The following CADPS variants were observed in gnomAD, a reference collection of about 807,000 sequenced individuals.
The protein encoded by CADPS is calcium dependent secretion activator, also known as calcium-dependent secretion activator 1.
A neutral mutation model predicts 167.3 loss-of-function variants in CADPS; 57 were observed. That is an observed-to-expected ratio of 0.34 (90% CI 0.28 to 0.42). The LOEUF (loss-of-function observed/expected upper bound fraction) is 0.42, where lower values mean the gene tolerates loss of function less well. CADPS is among the 20% of genes least tolerant of loss of function. CADPS has a pLI of 1.00. For synonymous variants in CADPS, 676 were observed against 635.3 expected (o/e 1.06, Z -0.96); for missense variants, 1,414 against 1,738.1 (o/e 0.81, Z 3.32).
chr3:62,817,392 A>G lies in CADPS; in HGVS notation c.442-51408T>C, dbSNP rs912323375. On this transcript the variant is annotated intron_variant, in intron 1 of 29. Transcript: ENST00000383710. ...ATTTTTCAGGTTGTCACACCATTCA[A>G]CACTGTCATATGAGATACAATCTAC... Among the ~76,000 whole-genome samples the G allele has an allele frequency of 2.6e-5, 4 of 152,282 alleles. No individual in the cohort carries two copies. In the South Asian group the frequency reaches 8.3e-4, roughly 32 times the overall value.
intron 1 of CADPS, among the ~76,000 whole-genome samples, chr3:62,811,441 G>A (rs1039400293): frequency 6.6e-6 from 1 of 152,136 alleles, no homozygotes; most frequent in Non-Finnish European, 1.5e-5. Context: ...GCATGCATTG[G>A]GCACTATGGA....
At chr3:62,496,343 A>G (rs2064797650) in intron 18 of CADPS, among the ~76,000 whole-genome samples, 1 of 152,036 alleles carries the variant, frequency 6.6e-6, no homozygotes, top group Non-Finnish European at 1.5e-5. Flanking sequence ...GGAGATCTGA[A>G]TTTTCAAGAG....
rs570644697 is a variant in CADPS, at chr3:62,451,531, TC to T, written c.3637-5735del. ...CAAACAGAAGTCTGGTGGGTAAGAC[TC>T]AAAGATGGAAGAAGAAAGAAGTCTG... On this transcript the variant is annotated intron_variant, in intron 26 of 29. Coordinates refer to ENST00000383710, the MANE Select transcript of CADPS (RefSeq NM_003716.4). 1.5e-3 allele frequency among the ~76,000 whole-genome samples: 230 copies of T among 150,152 alleles called. 1 individual carries two copies. The highest frequency in any genetic ancestry group is 2.8e-3 in the Non-Finnish European group (188 of 67,758).
rs140982720 is a variant in CADPS, at chr3:62,485,684, T to C, written c.3027-3815A>G. ...CCTTATCATTTTCAGCCTGTGTGGGTTCTTTAACAAATATGGCAATTAATC... is the reference window on the plus strand; with the variant it reads ...CCTTATCATTTTCAGCCTGTGTGGGCTCTTTAACAAATATGGCAATTAATC... On this transcript the variant is annotated intron_variant, in intron 21 of 29. Transcript: ENST00000383710. Among the ~76,000 whole-genome samples, 3 of 152,262 alleles carry C rather than the reference T, an allele frequency of 2.0e-5. No homozygotes were observed. In the East Asian group the frequency reaches 5.8e-4, roughly 29 times the overall value.
chr3:62,816,967 AT>A (rs1055496832), intron 1 of CADPS, among the ~76,000 whole-genome samples: 2 of 151,978 alleles, frequency 1.3e-5, no homozygotes, highest in South Asian at 2.1e-4. Context: ...TCTAGTTAAA[AT>A]TTTTTTTGGC....
intron 1 of CADPS, among the ~76,000 whole-genome samples, chr3:62,856,107 C>G (rs1000738043): frequency 1.3e-5 from 2 of 152,048 alleles, no homozygotes; most frequent in Non-Finnish European, 2.9e-5. Context: ...TATAATTATT[C>G]TTGGTGAGCA....
chr3:62,621,910 A>T (rs76561799), intron 6 of CADPS, among the ~76,000 whole-genome samples: 14 of 95,388 alleles, frequency 1.5e-4, no homozygotes, highest in South Asian at 3.3e-4. Context: ...TTTTTTTTTT[A>T]AATTTAGAGT....
chr3:62,570,947 A>G lies in CADPS; in HGVS notation c.1578-9T>C, dbSNP rs833663. The G allele has an allele frequency of 0.95, 1,493,756 of 1,569,858 alleles. 712,107 individuals are homozygous for G. Among genetic ancestry groups the G allele is most frequent in the East Asian group, 0.99 (44,121 of 44,672 alleles). On this transcript the variant is annotated splice_polypyrimidine_tract_variant and intron_variant, in intron 8 of 29. Transcript: ENST00000383710. ...CGATGGCCCATAAATACCTAAGGGA[A>G]AGGAGAAAGACCAGAGCTGCATTAA...
intron 8 of CADPS, among the ~76,000 whole-genome samples, chr3:62,583,537 C>A (rs936055667): frequency 1.3e-5 from 2 of 152,142 alleles, no homozygotes; most frequent in African/African-American, 4.8e-5. Flanking sequence ...TAGGGCCCTG[C>A]ACATGCTCCT....
intron 24 of CADPS, 61 bp downstream of exon 24, chr3:62,474,112 T>TTTC: frequency 8.1e-7 from 1 of 1,234,128 alleles, no homozygotes; most frequent in Non-Finnish European, 1.1e-6. Flanking sequence ...TTTGTGAAGT[T>TTTC]TTCTTCTACA....
chr3:62,621,615 G>GTA (rs2063177920), intron 6 of CADPS, among the ~76,000 whole-genome samples: 2 of 152,014 alleles, frequency 1.3e-5, no homozygotes, highest in Non-Finnish European at 1.5e-5. Context: ...AAGTTCAGGG[G>GTA]TATATGTTCA....
At chr3:62,853,623 T>TAAAA (rs71126559) in intron 1 of CADPS, among the ~76,000 whole-genome samples, 2 of 118,308 alleles carry the variant, frequency 1.7e-5, no homozygotes, top group Non-Finnish European at 3.4e-5. Flanking sequence ...AAAACTCCAC[T>TAAAA]AAAAAAAAAA....
Position 62,703,104 on chromosome 3 carries a change from A to G in CADPS, c.889-40710T>C, listed in dbSNP as rs1564059325. ...TCTTTTTACAGATATAAGCACCATT[A>G]TAAAACAAATATATTATTAAAAACT... is the stretch of plus-strand genomic sequence containing the variant. On this transcript the variant is annotated intron_variant, in intron 3 of 29. Coordinates refer to ENST00000383710, the MANE Select transcript of CADPS (RefSeq NM_003716.4). 5.3e-5 allele frequency among the ~76,000 whole-genome samples: 8 copies of G among 152,154 alleles called. 1 individual carries two copies. The highest frequency in any genetic ancestry group is 2.6e-4 in the Admixed American group (4 of 15,270).
At chr3:62,802,555 A>G (rs1290695152) in intron 1 of CADPS, among the ~76,000 whole-genome samples, 1 of 152,172 alleles carries the variant, frequency 6.6e-6, no homozygotes, top group Non-Finnish European at 1.5e-5. Context: ...TAATTGAATG[A>G]ATCAGTGAAT....
rs1309069647 is a variant in CADPS at position 62,465,880 on chromosome 3, C to A, written c.3553-430G>T. Among the ~76,000 whole-genome samples the A allele has an allele frequency of 6.6e-6, 1 of 152,156 alleles. No individual in the cohort carries two copies. The highest frequency in any genetic ancestry group is 1.5e-5 in the Non-Finnish European group (1 of 68,034). ...TAGCACTGGCAAATATAAATGTCTT[C>A]CCATTCAGCATTACTTAGTTAAAAT... On this transcript the variant is annotated intron_variant, in intron 25 of 29. Coordinates refer to ENST00000383710, the MANE Select transcript of CADPS (RefSeq NM_003716.4). The surrounding 1 kb of genome is among the most constrained non-coding windows in gnomAD (Gnocchi z 4.1).
rs545169278 is a variant in CADPS, at chr3:62,434,873, A to G, written c.3777+3231T>C. 3.2e-4 allele frequency among the ~76,000 whole-genome samples: 48 copies of G among 152,294 alleles called. 1 individual carries two copies. The South Asian group carries it at 1.0e-2, about 32-fold the overall frequency. ...AAAACAGGAACAATACCAAACAGCA[A>G]CAACTTAAAGGACTTATCAGGTAAA... On this transcript the variant is annotated intron_variant, in intron 28 of 29. Transcript: ENST00000383710.
intron 9 of CADPS, among the ~76,000 whole-genome samples, chr3:62,570,579 C>G (rs549747334): frequency 7.9e-5 from 12 of 152,052 alleles, no homozygotes; most frequent in Non-Finnish European, 1.5e-5. Flanking sequence ...CTACTCTCCC[C>G]GACTTATCTC....
chr3:62,499,659 T>C (rs2065397927), intron 17 of CADPS: 1 of 154,472 alleles, frequency 6.5e-6, no homozygotes, highest in Non-Finnish European at 1.4e-5. Context: ...TGATTGCTGT[T>C]ACATTTGTTT....
chr3:62,609,933 CTAAAAAT>C (rs2061259275), intron 6 of CADPS, among the ~76,000 whole-genome samples: 1 of 151,760 alleles, frequency 6.6e-6, no homozygotes, highest in African/African-American at 2.4e-5. Context: ...ACAAAAAATA[CTAAAAAT>C]TAGCCGGGAG....
Sources: allele counts gnomAD v4.1 joint callset (sites outside exome capture counted in the v4.1 genomes callset), GRCh38; gene constraint gnomAD v4.1.1; non-coding constraint Gnocchi (gnomAD v3.1); transcripts MANE v1.5; gene names NCBI Gene and HGNC (gene_info 2026-07-23, HGNC 2026-07-21).